DPY30: variants seen among roughly 807,000 people sequenced by gnomAD.
DPY30 encodes the protein protein dpy-30 homolog.
In DPY30, 6 loss-of-function variants were observed where a neutral mutation model predicts 16.2. The observed-to-expected ratio is 0.37, with a 90% confidence interval of 0.20 to 0.73. DPY30 has a LOEUF of 0.73. Ranked by LOEUF, DPY30 falls within the 30% of genes least tolerant of loss-of-function variation. The probability of loss-of-function intolerance (pLI) is 0.51; values close to 1 mark genes in which losing one functional copy is unlikely to be tolerated. For synonymous variants in DPY30, 39 were observed against 38.8 expected, an observed-to-expected ratio of 1.00 and a Z score of -0.02; for missense variants, 73 against 113.1, an observed-to-expected ratio of 0.65 and a Z score of 1.61.
intron 3 of DPY30, among the ~76,000 whole-genome samples, chr2:32,030,076 A>AG (rs1241020397): frequency 6.7e-6 from 1 of 149,990 alleles, no homozygotes; most frequent in Non-Finnish European, 1.5e-5. Flanking sequence ...AAAAAAAAAA[A>AG]AAAAAATAAT....
At chr2:32,035,861 G>A (rs193288520) in intron 3 of DPY30, among the ~76,000 whole-genome samples, 105 of 150,072 alleles carry the variant, frequency 7.0e-4, no homozygotes, top group Non-Finnish European at 5.0e-4. Context: ...TTCAACCCGG[G>A]AGGCAGAGGT....
In DPY30 at chr2:32,039,663, G is replaced by C. The variant is rs1675890975; in HGVS notation, c.-37+70C>G. On this transcript the variant is annotated intron_variant, in intron 1 of 4. Coordinates refer to ENST00000342166, the MANE Select transcript of DPY30 (RefSeq NM_001321209.2). ...GTCCACGACTGGGCGCCTACATGGG[G>C]TCTGGAAACTCTACGACAGTCCCAA... The C allele has an allele frequency of 1.4e-5, 9 of 622,016 alleles. No individual in the cohort carries two copies. In the East Asian group the frequency reaches 1.9e-4, roughly 13 times the overall value. The allele number at this position is 622,016 out of a possible 1,614,324, so 38.5% of individuals were successfully genotyped here.
At chr2:32,013,038 G>A (rs533970) in intron 5 of DPY30, 3,259 of 152,228 alleles carry the variant, frequency 0.021, 54 homozygotes, top group African/African-American at 0.044. Context: ...TCAGATTTGA[G>A]TCCTGGCCCT....
intron 3 of DPY30, among the ~76,000 whole-genome samples, chr2:32,031,592 G>A (rs975565681): frequency 2.7e-5 from 4 of 150,166 alleles, no homozygotes; most frequent in East Asian, 4.0e-4. Flanking sequence ...GCAAGATTCC[G>A]TCTCAAAACG....
At chr2:32,013,969 T>C (rs1307572041) in intron 5 of DPY30, among the ~76,000 whole-genome samples, 1 of 150,324 alleles carries the variant, frequency 6.7e-6, no homozygotes, top group Non-Finnish European at 1.5e-5. Flanking sequence ...GATCATGCCA[T>C]TGCACTCCAG....
intron 5 of DPY30, among the ~76,000 whole-genome samples, chr2:32,017,162 C>CCA (rs1271257820): frequency 1.3e-5 from 2 of 152,048 alleles, no homozygotes; most frequent in Admixed American, 1.3e-4. Flanking sequence ...GGATTACAGG[C>CCA]GTGAGCCACG....
intron 3 of DPY30, among the ~76,000 whole-genome samples, chr2:32,034,903 G>C (rs1033079697): frequency 6.6e-6 from 1 of 152,016 alleles, no homozygotes; most frequent in Admixed American, 6.6e-5. Flanking sequence ...GGAGGCTGAG[G>C]CAGGAGAGTC....
chr2:32,036,240 C>A (rs764346584), intron 3 of DPY30, among the ~76,000 whole-genome samples: 2 of 151,876 alleles, frequency 1.3e-5, no homozygotes, highest in South Asian at 2.1e-4. Context: ...GGCCTCCCAA[C>A]GGGCTGGGAT....
downstream of DPY30, among the ~76,000 whole-genome samples, chr2:32,019,214 T>A (rs576952763): frequency 4.9e-4 from 74 of 152,206 alleles, no homozygotes; most frequent in African/African-American, 1.7e-3. Flanking sequence ...AGCCTCAGCC[T>A]TCTGAGCAGC....
chr2:32,035,936 G>GAAAAAAAA, intron 3 of DPY30, among the ~76,000 whole-genome samples: 1 of 50,328 alleles, frequency 2.0e-5, no homozygotes, highest in African/African-American at 7.4e-5. Flanking sequence ...CAGTCTCGAA[G>GAAAAAAAA]AAAAAAAAAA....
downstream of DPY30, chr2:32,023,454 T>G (rs1335965575): frequency 2.1e-6 from 1 of 471,992 alleles, no homozygotes. Context: ...TCACTTAACC[T>G]CTCCAAGTCT....
chr2:32,016,949 C>G (rs1199133137), intron 5 of DPY30, among the ~76,000 whole-genome samples: 2 of 152,142 alleles, frequency 1.3e-5, no homozygotes, highest in Non-Finnish European at 2.9e-5. Context: ...ATGGCGCGAT[C>G]TCGGTTCACT....
At chr2:32,023,275 C>A, downstream of DPY30, 1 of 364,694 alleles carries the variant, frequency 2.7e-6, no homozygotes, top group Non-Finnish European at 5.5e-6. Context: ...TCTCTATTTT[C>A]TGAGCTAGTG....
At chr2:32,034,953 C>T (rs934188435) in intron 3 of DPY30, among the ~76,000 whole-genome samples, 3 of 151,518 alleles carry the variant, frequency 2.0e-5, no homozygotes, top group Admixed American at 1.3e-4. Context: ...GACCCAAGAT[C>T]GCGCCACTTC....
chr2:32,027,130 G>T (rs1572995650), intron 4 of DPY30, among the ~76,000 whole-genome samples: 1 of 151,244 alleles, frequency 6.6e-6, no homozygotes, highest in South Asian at 2.1e-4. Context: ...ACAAAAATTA[G>T]CCACGTGTGG....
chr2:32,019,390 G>A (rs187204055), downstream of DPY30, among the ~76,000 whole-genome samples: 236 of 152,332 alleles, frequency 1.5e-3, 5 homozygotes, highest in Non-Finnish European at 1.0e-3. Flanking sequence ...GTGCATGCCT[G>A]TAGTCCTAGC....
At chr2:32,017,794 CA>C (rs1675092770) in intron 5 of DPY30, among the ~76,000 whole-genome samples, 2 of 152,054 alleles carry the variant, frequency 1.3e-5, no homozygotes, top group Admixed American at 6.6e-5. Flanking sequence ...ATACATAACA[CA>C]AAAGGTGTGC....
chr2:32,033,395 G>A (rs145268585), intron 3 of DPY30, among the ~76,000 whole-genome samples: 4 of 152,112 alleles, frequency 2.6e-5, no homozygotes, highest in East Asian at 1.9e-4. Context: ...CAATGTGGCC[G>A]GGCATGGTGG....
chr2:32,024,098 A>G lies in DPY30; in HGVS notation c.*86T>C. The G allele has an allele frequency of 6.5e-7, 1 of 1,546,076 alleles. No individual in the cohort carries two copies. The highest frequency in any genetic ancestry group is 1.2e-5 in the South Asian group (1 of 82,516). On this transcript the variant is annotated 3_prime_UTR_variant, in exon 5 of 5. Coordinates refer to ENST00000342166, the MANE Select transcript of DPY30 (RefSeq NM_001321209.2). Reference sequence around the variant, plus strand: ...CCGGAAGGTTCTTATACATCCAAAAAGAGGGAATGATCATGGCAATTAAAG... The same window carrying G: ...CCGGAAGGTTCTTATACATCCAAAAGGAGGGAATGATCATGGCAATTAAAG...
Sources: allele counts gnomAD v4.1 joint callset (sites outside exome capture counted in the v4.1 genomes callset), GRCh38; gene constraint gnomAD v4.1.1; transcripts MANE v1.5; gene names NCBI Gene and HGNC (gene_info 2026-07-23, HGNC 2026-07-21).